Variants in ZNF804B observed in about 807,000 individuals in gnomAD.
ZNF804B encodes the protein zinc finger 804B.
Under a neutral mutation model 101.4 loss-of-function variants are expected in ZNF804B, and 80 were observed. That is an observed-to-expected ratio of 0.79 (90% CI 0.66 to 0.95). The LOEUF (loss-of-function observed/expected upper bound fraction) is 0.95, where lower values mean the gene tolerates loss of function less well. ZNF804B is among the 40% of genes least tolerant of loss of function. ZNF804B has a pLI of 0.00. For missense variants in ZNF804B, 1,673 were observed against 1,561.9 expected, an observed-to-expected ratio of 1.07 and a Z score of -1.20; for synonymous variants, 622 against 558.8, an observed-to-expected ratio of 1.11 and a Z score of -1.59.
chr7:88,914,514 C>T (rs564847378), intron 1 of ZNF804B, among the ~76,000 whole-genome samples: 19 of 152,260 alleles, frequency 1.2e-4, no homozygotes, highest in Admixed American at 1.0e-3. Context: ...ATCATTCCCT[C>T]GCGTATTTTA....
At chr7:88,982,586 A>G (rs1274805669) in intron 1 of ZNF804B, among the ~76,000 whole-genome samples, 1 of 152,000 alleles carries the variant, frequency 6.6e-6, no homozygotes, top group East Asian at 1.9e-4. Flanking sequence ...CTGTGTCCTA[A>G]TCTTTCCTTT....
At chr7:89,319,276 T>G (rs1331397368) in intron 2 of ZNF804B, among the ~76,000 whole-genome samples, 1 of 152,194 alleles carries the variant, frequency 6.6e-6, no homozygotes, top group Non-Finnish European at 1.5e-5. Flanking sequence ...AAATAATTAA[T>G]TAATTAATTT....
chr7:88,770,085 C>T (rs903795705), intron 1 of ZNF804B, among the ~76,000 whole-genome samples: 3 of 152,060 alleles, frequency 2.0e-5, no homozygotes, highest in African/African-American at 7.2e-5. Context: ...AGAATATAAA[C>T]ATTGGAAAGA....
At chr7:88,935,542 T>A (rs977490531) in intron 1 of ZNF804B, among the ~76,000 whole-genome samples, 1 of 151,622 alleles carries the variant, frequency 6.6e-6, no homozygotes, top group Non-Finnish European at 1.5e-5. Flanking sequence ...AATTTTTTTT[T>A]AATAAAAAGA....
intron 1 of ZNF804B, among the ~76,000 whole-genome samples, chr7:88,816,882 G>A (rs1200080976): frequency 6.8e-6 from 1 of 147,408 alleles, no homozygotes; most frequent in Non-Finnish European, 1.5e-5. Context: ...GCCATTACTG[G>A]GTATATACCC....
At chr7:88,973,021 A>G (rs967372028) in intron 1 of ZNF804B, among the ~76,000 whole-genome samples, 1 of 151,418 alleles carries the variant, frequency 6.6e-6, no homozygotes, top group Non-Finnish European at 1.5e-5. Flanking sequence ...TGAATGACAC[A>G]TAGATATCCT....
intron 1 of ZNF804B, 112 bp downstream of exon 1, chr7:88,760,196 C>T (rs1054286614): frequency 1.2e-6 from 1 of 829,744 alleles, no homozygotes; most frequent in African/African-American, 1.7e-5. Flanking sequence ...ACATCTAAAA[C>T]GTATACCTTA....
At chr7:88,846,564 T>A (rs1221614256) in intron 1 of ZNF804B, among the ~76,000 whole-genome samples, 1 of 152,164 alleles carries the variant, frequency 6.6e-6, no homozygotes, top group Non-Finnish European at 1.5e-5. Flanking sequence ...AGATATGACC[T>A]GGAGAAAAAT....
chr7:88,797,462 G>T (rs1310179436), intron 1 of ZNF804B, among the ~76,000 whole-genome samples: 1 of 151,952 alleles, frequency 6.6e-6, no homozygotes, highest in Non-Finnish European at 1.5e-5. Flanking sequence ...TAGAATGCTG[G>T]GAGGCAAAGC....
rs977076144 is a variant in ZNF804B, at chr7:89,173,701, G to A, written c.109-44454G>A. Among the ~76,000 whole-genome samples the A allele has an allele frequency of 1.3e-3, 201 of 151,872 alleles. 2 individuals are homozygous for A. Among genetic ancestry groups the A allele is most frequent in the Non-Finnish European group, 1.3e-4 (9 of 67,872 alleles). On this transcript the variant is annotated intron_variant, in intron 1 of 3. Coordinates refer to ENST00000333190, the MANE Select transcript of ZNF804B (RefSeq NM_181646.5). ...GACACATATGCTGATGAATCCACCT[G>A]TTATCTGTCTTCTGTCTATCCATCC... is the stretch of plus-strand genomic sequence containing the variant.
chr7:88,799,980 A>C (rs1041255055), intron 1 of ZNF804B, among the ~76,000 whole-genome samples: 3 of 152,078 alleles, frequency 2.0e-5, no homozygotes, highest in African/African-American at 7.2e-5. Flanking sequence ...TTGTGCACTT[A>C]CTAAACTTGA....
In ZNF804B at chr7:89,230,768, GTA is replaced by G. The variant is rs990582953; in HGVS notation, c.249+12474_249+12475del. On this transcript the variant is annotated intron_variant, in intron 2 of 3. Coordinates refer to ENST00000333190, the MANE Select transcript of ZNF804B (RefSeq NM_181646.5). ...AGAAGCTACAGGCCTTTTCCTAACT[GTA>G]CATTATTCAATCATTATAGTATGTG... Among the ~76,000 whole-genome samples the G allele has an allele frequency of 7.1e-3, 633 of 89,734 alleles. 1 individual carries two copies. Among genetic ancestry groups the G allele is most frequent in the African/African-American group, 0.02 (591 of 29,182 alleles). 58.9% of individuals were successfully genotyped at this position (89,734 alleles called of 152,430 possible).
intron 1 of ZNF804B, among the ~76,000 whole-genome samples, chr7:88,926,650 C>A (rs1792805023): frequency 6.6e-6 from 1 of 151,876 alleles, no homozygotes; most frequent in Non-Finnish European, 1.5e-5. Flanking sequence ...TTAAAAGGAA[C>A]TGTCTACCTG....
At chr7:89,242,363 C>T (rs2115766531) in intron 2 of ZNF804B, among the ~76,000 whole-genome samples, 1 of 151,704 alleles carries the variant, frequency 6.6e-6, no homozygotes, top group South Asian at 2.1e-4. Flanking sequence ...GCTTTTTTCC[C>T]CTATATATTA....
chr7:89,032,724 A>G (rs947591634), intron 1 of ZNF804B, among the ~76,000 whole-genome samples: 40 of 152,256 alleles, frequency 2.6e-4, no homozygotes, highest in Non-Finnish European at 5.0e-4. Context: ...ATCAGGGAGT[A>G]GGAGGTAGGC....
intron 2 of ZNF804B, among the ~76,000 whole-genome samples, chr7:89,294,875 T>C (rs1464794748): frequency 6.6e-6 from 1 of 152,154 alleles, no homozygotes; most frequent in Non-Finnish European, 1.5e-5. Flanking sequence ...CAATTTTCAT[T>C]ACTTATTTTG....
At chr7:88,991,632 G>T (rs1022398605) in intron 1 of ZNF804B, among the ~76,000 whole-genome samples, 7 of 152,148 alleles carry the variant, frequency 4.6e-5, no homozygotes, top group Non-Finnish European at 8.8e-5. Context: ...TCTGCCTGTG[G>T]GGTAGCCCTC....
intron 1 of ZNF804B, among the ~76,000 whole-genome samples, chr7:89,028,766 A>C (rs971107400): frequency 5.3e-5 from 8 of 152,176 alleles, no homozygotes; most frequent in African/African-American, 1.7e-4. Context: ...CTTGTCAAAC[A>C]TGAATAATAA....
At chr7:89,210,105 G>C (rs527429790) in intron 1 of ZNF804B, among the ~76,000 whole-genome samples, 20 of 151,084 alleles carry the variant, frequency 1.3e-4, no homozygotes, top group Admixed American at 2.6e-4. Flanking sequence ...CTGAGATCAT[G>C]CCACTGTACC....
Sources: allele counts gnomAD v4.1 joint callset (sites outside exome capture counted in the v4.1 genomes callset), GRCh38; gene constraint gnomAD v4.1.1; transcripts MANE v1.5; gene names NCBI Gene and HGNC (gene_info 2026-07-23, HGNC 2026-07-21).